Variants in B9D1 observed in about 807,000 individuals in gnomAD.
The protein encoded by B9D1 is B9 domain-containing protein 1.
A neutral mutation model predicts 26.1 loss-of-function variants in B9D1; 20 were observed. The observed-to-expected ratio is 0.77, with a 90% CI of 0.54 to 1.12. The LOEUF is 1.12. B9D1 is among the 50% of genes most tolerant of loss of function. B9D1 has a pLI of 0.00. For synonymous variants in B9D1, 105 were observed against 103.1 expected (o/e 1.02, Z -0.11); for missense variants, 260 against 273.7 (o/e 0.95, Z 0.35).
chr17:19,375,839 G>A (rs774386516), intron 1 of B9D1, among the ~76,000 whole-genome samples: 3 of 152,188 alleles, frequency 2.0e-5, no homozygotes, highest in Admixed American at 6.5e-5. Flanking sequence ...GGAGAAAACA[G>A]CTTGGCACTT....
At chr17:19,364,078 T>A (rs1325465677), upstream of B9D1, among the ~76,000 whole-genome samples, 1 of 152,148 alleles carries the variant, frequency 6.6e-6, no homozygotes, top group East Asian at 1.9e-4. This position sits in a 1 kb window ranked among gnomAD's most constrained non-coding sequence, Gnocchi z 4.3. Context: ...CCCAATTATT[T>A]CCTCCCTTTG....
intron 2 of B9D1, among the ~76,000 whole-genome samples, chr17:19,358,998 C>T (rs570192482): frequency 2.6e-5 from 4 of 152,310 alleles, no homozygotes; most frequent in Non-Finnish European, 5.9e-5. Context: ...CTAACTCCTC[C>T]TTCTCTCAGA....
upstream of B9D1, chr17:19,362,940 G>T: frequency 2.7e-6 from 1 of 373,972 alleles, no homozygotes; most frequent in Non-Finnish European, 5.2e-6. Context: ...CCGCCGAAGC[G>T]CAGAGGCGAA....
At chr17:19,357,071 C>T (rs1035554089) in intron 3 of B9D1, among the ~76,000 whole-genome samples, 3 of 152,168 alleles carry the variant, frequency 2.0e-5, no homozygotes, top group African/African-American at 7.2e-5. Flanking sequence ...ATCAGATGGG[C>T]CTGAATTAAA....
chr17:19,348,529 C>T (rs1909168163), intron 3 of B9D1, among the ~76,000 whole-genome samples: 2 of 152,162 alleles, frequency 1.3e-5, no homozygotes, highest in African/African-American at 4.8e-5. Context: ...AACCTCTCTG[C>T]CCCTGTTTCA....
At chr17:19,341,444 A>G (rs1363661264), downstream of B9D1, 17 of 606,138 alleles carry the variant, frequency 2.8e-5, no homozygotes, top group Admixed American at 4.4e-5. Flanking sequence ...CGTGTAGGAA[A>G]ACTCACGATG....
chr17:19,347,268 C>T lies in B9D1; in HGVS notation c.404+1G>A. 6.2e-7 allele frequency: 1 copy of T among 1,614,202 alleles called. No homozygotes were observed. Among genetic ancestry groups the T allele is most frequent in the Non-Finnish European group, 8.5e-7 (1 of 1,180,034 alleles). On this transcript the variant is annotated splice_donor_variant, in intron 5 of 6. Coordinates refer to ENST00000261499, the MANE Select transcript of B9D1 (RefSeq NM_015681.6). LOFTEE classifies it high-confidence loss of function. The surrounding 1 kb of genome is among the most constrained non-coding windows in gnomAD (Gnocchi z 4.3). ...GCTGGGGTTATGGGTACAAAACTCA[C>T]CTTGTAAACTTCTGCAGTTTAGACG...
intron 3 of B9D1, among the ~76,000 whole-genome samples, chr17:19,356,277 A>C (rs1294213874): frequency 6.6e-6 from 1 of 152,072 alleles, no homozygotes; most frequent in Non-Finnish European, 1.5e-5. Flanking sequence ...TTTTTAGTAG[A>C]GAGAGATTTT....
chr17:19,342,017 C>T (rs1313418352), downstream of B9D1, among the ~76,000 whole-genome samples: 2 of 152,090 alleles, frequency 1.3e-5, no homozygotes, highest in African/African-American at 4.8e-5. Context: ...GTGCCTTCAC[C>T]AGTAACAAGA....
intron 3 of B9D1, among the ~76,000 whole-genome samples, chr17:19,355,546 T>C (rs1237219701): frequency 9.3e-6 from 1 of 107,756 alleles, no homozygotes; most frequent in African/African-American, 3.0e-5. Context: ...AAAAAAAAAA[T>C]CGGCTGGGCG....
downstream of B9D1, chr17:19,335,858 A>G (rs1907398390): frequency 6.3e-6 from 1 of 159,524 alleles, no homozygotes; most frequent in African/African-American, 2.4e-5. Context: ...AAGACCAGAA[A>G]AGACTTGCTT....
rs1292879005 is a variant in B9D1, at chr17:19,362,523, T to A, written c.47A>T (p.Gln16Leu). 6.3e-7 allele frequency: 1 copy of A among 1,578,974 alleles called. No individual in the cohort carries two copies. The highest frequency in any genetic ancestry group is 1.2e-5 in the South Asian group (1 of 86,556). ...GCCGCTCACCTGGGCGCTCTCCACC[T>A]GCCCGTTGACCATGAGTAGAAAGAC... ...PSVFLLMVNG[Q>L]VESAQFPEYD... The change falls in exon 1 of 7, where the codon CAG (glutamine) becomes CTG (leucine). Residue 16 changes from glutamine (Q) to leucine (L), a missense_variant. Physicochemically the swap from Gln to Leu is moderately radical, Grantham distance 113. Coordinates refer to ENST00000261499, the MANE Select transcript of B9D1 (RefSeq NM_015681.6).
chr17:19,360,784 C>T (rs1910950874), intron 1 of B9D1, among the ~76,000 whole-genome samples: 1 of 152,206 alleles, frequency 6.6e-6, no homozygotes, highest in South Asian at 2.1e-4. Flanking sequence ...TCTGTCAGTT[C>T]CTCTAGACCA....
chr17:19,362,553 G>C lies in B9D1; in HGVS notation c.17C>G (p.Pro6Arg). MATAS[P>R]SVFLLMVNGQ... Reference sequence around the variant, plus strand: ...GTTGACCATGAGTAGAAAGACGCTAGGACTCGCGGTCGCCATGGCAGGTCT... The same window carrying C: ...GTTGACCATGAGTAGAAAGACGCTACGACTCGCGGTCGCCATGGCAGGTCT... Residue 6 changes from proline to arginine, a missense_variant, in exon 1 of 7, where the codon CCT becomes CGT. Transcript: ENST00000261499. 6.3e-7 allele frequency: 1 copy of C among 1,589,752 alleles called. No homozygotes were observed. The highest frequency in any genetic ancestry group is 8.6e-7 in the Non-Finnish European group (1 of 1,168,036).
intron 1 of B9D1, among the ~76,000 whole-genome samples, chr17:19,373,233 A>G (rs949650524): frequency 7.9e-5 from 12 of 152,134 alleles, no homozygotes; most frequent in African/African-American, 2.9e-4. Context: ...TGGATTAGAG[A>G]TAATAATTAC....
chr17:19,339,250 GCAAA>G (rs1907705462), downstream of B9D1, among the ~76,000 whole-genome samples: 1 of 152,008 alleles, frequency 6.6e-6, no homozygotes, highest in East Asian at 1.9e-4. Flanking sequence ...ATTTCTGCTT[GCAAA>G]CTAGCCAGTT....
In B9D1 at chr17:19,347,304, G is replaced by A. The variant is rs138240520; in HGVS notation, c.369C>T (p.Val123=). Residue 123 remains valine, a synonymous_variant, in exon 5 of 7, where the codon GTC becomes GTT. Coordinates refer to ENST00000261499, the MANE Select transcript of B9D1 (RefSeq NM_015681.6). The surrounding 1 kb of genome is among the most constrained non-coding windows in gnomAD (Gnocchi z 4.3). ...TCTGCAGTTTAGACGTAGATTCTGG[G>A]ACAAACATGGGGATGGTCCTTTTGT... The part of the protein sequence containing the change: ...GRHKRTIPMF[V]PESTSKLQKF... The A allele has an allele frequency of 1.2e-6, 2 of 1,614,200 alleles. No homozygotes were observed. Among genetic ancestry groups the A allele is most frequent in the African/African-American group, 1.3e-5 (1 of 75,042 alleles).
At chr17:19,338,968 T>C (rs1195527402), downstream of B9D1, among the ~76,000 whole-genome samples, 1 of 152,230 alleles carries the variant, frequency 6.6e-6, no homozygotes, top group East Asian at 1.9e-4. Context: ...TAAAATTCTT[T>C]CCTAGACATA....
intron 1 of B9D1, among the ~76,000 whole-genome samples, chr17:19,374,535 C>T (rs999948295): frequency 6.6e-6 from 1 of 152,230 alleles, no homozygotes; most frequent in Admixed American, 6.5e-5. Context: ...GACACTCCCA[C>T]TTCTGGTATT....
Sources: allele counts gnomAD v4.1 joint callset (sites outside exome capture counted in the v4.1 genomes callset), GRCh38; gene constraint gnomAD v4.1.1; non-coding constraint Gnocchi (gnomAD v3.1); transcripts MANE v1.5; gene names NCBI Gene and HGNC (gene_info 2026-07-23, HGNC 2026-07-21).